The following IL1RAPL2 variants were observed in gnomAD, a reference collection of about 807,000 sequenced individuals.
The protein encoded by IL1RAPL2 is interleukin 1 receptor accessory protein like 2, also known as X-linked interleukin-1 receptor accessory protein-like 2.
IL1RAPL2 carries 3 observed loss-of-function variants against 44.1 expected under a neutral mutation model. That is an observed-to-expected ratio of 0.07 (90% CI 0.03 to 0.18). The LOEUF (loss-of-function observed/expected upper bound fraction) is 0.18, where lower values mean the gene tolerates loss of function less well. Among genes scored for constraint, IL1RAPL2 ranks in the 10% least tolerant of loss-of-function variants. IL1RAPL2 has a pLI of 1.00. For missense variants in IL1RAPL2, 391 were observed against 496.4 expected (o/e 0.79, Z 2.02); for synonymous variants, 181 against 178.8 (o/e 1.01, Z -0.10).
At chrX:105,618,846 A>G (rs917199167) in intron 6 of IL1RAPL2, among the ~76,000 whole-genome samples, 1 of 111,655 alleles carries the variant, frequency 9.0e-6, no homozygotes, top group African/African-American at 3.3e-5. Context: ...TTATGAGCAC[A>G]GAGTTGCGCG....
intron 6 of IL1RAPL2, among the ~76,000 whole-genome samples, chrX:105,674,918 A>T (rs2037856563): frequency 9.1e-6 from 1 of 109,546 alleles, no homozygotes; most frequent in African/African-American, 3.4e-5. Flanking sequence ...TTCTCTTTGT[A>T]GCAATTGCGA....
At chrX:104,662,557 C>G (rs2047425764) in intron 2 of IL1RAPL2, among the ~76,000 whole-genome samples, 1 of 111,232 alleles carries the variant, frequency 9.0e-6, no homozygotes, top group Non-Finnish European at 1.9e-5. Flanking sequence ...TGATCAATAG[C>G]AGAAATGGCC....
chrX:105,361,663 T>C (rs1193277198), intron 5 of IL1RAPL2, among the ~76,000 whole-genome samples: 3 of 110,928 alleles, frequency 2.7e-5, no homozygotes, highest in Non-Finnish European at 5.7e-5. Context: ...AGACTTGTAT[T>C]GTGTTAAGCC....
At chrX:105,424,777 A>T (rs2035797859) in intron 5 of IL1RAPL2, among the ~76,000 whole-genome samples, 1 of 110,227 alleles carries the variant, frequency 9.1e-6, no homozygotes, top group Non-Finnish European at 1.9e-5. Context: ...AAAATAAAAA[A>T]TAAAAATTAA....
At chrX:105,112,373 C>G (rs749936577) in intron 2 of IL1RAPL2, among the ~76,000 whole-genome samples, 4 of 112,096 alleles carry the variant, frequency 3.6e-5, no homozygotes, top group Non-Finnish European at 5.6e-5. Context: ...TCAAAAAAAT[C>G]ACACACACAA....
At chrX:104,984,263 CA>C (rs995569509) in intron 2 of IL1RAPL2, among the ~76,000 whole-genome samples, 1 of 111,350 alleles carries the variant, frequency 9.0e-6, no homozygotes. Flanking sequence ...GTGGGATTTT[CA>C]AAACATTTAA....
chrX:105,306,945 G>T (rs933491268), intron 5 of IL1RAPL2, among the ~76,000 whole-genome samples: 1 of 111,314 alleles, frequency 9.0e-6, no homozygotes, highest in Admixed American at 9.6e-5. Flanking sequence ...CGCATGGCTG[G>T]GAACGCCTCA....
intron 3 of IL1RAPL2, among the ~76,000 whole-genome samples, chrX:105,224,393 A>C (rs1556186365): frequency 8.9e-6 from 1 of 111,740 alleles, no homozygotes; most frequent in Non-Finnish European, 1.9e-5. Context: ...TAGAATGGTG[A>C]GGCAGGTGCC....
Position 104,613,881 on chromosome X carries a change from T to G in IL1RAPL2, c.-19-45014T>G, listed in dbSNP as rs138678173. On this transcript the variant is annotated intron_variant, in intron 1 of 10. Coordinates refer to ENST00000372582, the MANE Select transcript of IL1RAPL2 (RefSeq NM_017416.2). ...ACTCAATTTCAGAACTCGCTATTGG[T>G]CTGTTCAGAGTTTCAATTTCTTCCT... Among the ~76,000 whole-genome samples the G allele has an allele frequency of 3.3e-3, 343 of 104,738 alleles. 3 individuals are homozygous for G. The highest frequency in any genetic ancestry group is 0.011 in the African/African-American group (321 of 28,192). 91.0% of individuals were successfully genotyped at this position (104,738 alleles called of 115,157 possible).
At chrX:105,307,530 T>A (rs867767029) in intron 5 of IL1RAPL2, among the ~76,000 whole-genome samples, 535 of 43,874 alleles carry the variant, frequency 0.012, 4 homozygotes, top group African/African-American at 0.039. Context: ...TATTTTATAT[T>A]ATATATATTA....
At chrX:104,571,159 A>G (rs1407588310) in intron 1 of IL1RAPL2, among the ~76,000 whole-genome samples, 1 of 111,099 alleles carries the variant, frequency 9.0e-6, no homozygotes, top group Non-Finnish European at 1.9e-5. Context: ...TAGATTCTTG[A>G]TCTGGCCTGC....
At chrX:105,113,622 G>A (rs1434631484) in intron 2 of IL1RAPL2, among the ~76,000 whole-genome samples, 1 of 111,724 alleles carries the variant, frequency 9.0e-6, no homozygotes, top group African/African-American at 3.3e-5. Context: ...CCACTGAATG[G>A]TACCTTGCTT....
chrX:104,833,408 A>G (rs1232117573), intron 2 of IL1RAPL2, among the ~76,000 whole-genome samples: 1 of 112,483 alleles, frequency 8.9e-6, no homozygotes, highest in Non-Finnish European at 1.9e-5. Flanking sequence ...ATCACAAAGA[A>G]ATCTTTTCAT....
chrX:104,946,246 G>T (rs1464474698), intron 2 of IL1RAPL2, among the ~76,000 whole-genome samples: 1 of 99,757 alleles, frequency 1.0e-5, no homozygotes, highest in Non-Finnish European at 2.0e-5. Flanking sequence ...GGTGGCGGGC[G>T]CCTGTAGTCC....
intron 2 of IL1RAPL2, among the ~76,000 whole-genome samples, chrX:105,043,688 T>C (rs2031795508): frequency 9.0e-6 from 1 of 111,364 alleles, no homozygotes; most frequent in Non-Finnish European, 1.9e-5. Flanking sequence ...TAGGCATTTT[T>C]CTAGTTCTCT....
intron 2 of IL1RAPL2, among the ~76,000 whole-genome samples, chrX:104,975,018 A>C (rs1277432363): frequency 1.8e-5 from 2 of 112,149 alleles, no homozygotes; most frequent in Non-Finnish European, 3.8e-5. Context: ...CAGGGGGATT[A>C]AAGCATTTGC....
Position 105,086,144 on chromosome X carries a change from A to G in IL1RAPL2, c.83-109331A>G, listed in dbSNP as rs943439508. ...GACATGAAATCAGTATGTCAAAGAG[A>G]TATCTGCACTTGCATGTTCATTGCA... is the stretch of plus-strand genomic sequence containing the variant. On this transcript the variant is annotated intron_variant, in intron 2 of 10. Coordinates refer to ENST00000372582, the MANE Select transcript of IL1RAPL2 (RefSeq NM_017416.2). 2.7e-5 allele frequency among the ~76,000 whole-genome samples: 3 copies of G among 111,516 alleles called. 1 individual carries two copies. The South Asian group carries it at 1.1e-3, about 42-fold the overall frequency.
intron 6 of IL1RAPL2, among the ~76,000 whole-genome samples, chrX:105,607,052 A>G (rs1255025052): frequency 6.3e-5 from 7 of 111,623 alleles, no homozygotes; most frequent in Non-Finnish European, 9.5e-5. Context: ...GAATGTTTCT[A>G]GCACAAAAAA....
rs976757108 is a variant in IL1RAPL2 at position 104,759,772 on chromosome X, C to T, written c.82+100777C>T. Among the ~76,000 whole-genome samples, 3 of 111,580 alleles carry T rather than the reference C, an allele frequency of 2.7e-5. No homozygotes were observed. In the Admixed American group the frequency reaches 2.9e-4, roughly 11 times the overall value. ...ACTCAACTCATGGAAAATGGGGTAT[C>T]CATCCTGCCAAGCATTTTTCCATTG... is the stretch of plus-strand genomic sequence containing the variant. On this transcript the variant is annotated intron_variant, in intron 2 of 10. Coordinates refer to ENST00000372582, the MANE Select transcript of IL1RAPL2 (RefSeq NM_017416.2).
Sources: gnomAD v4.1 joint callset for allele counts (sites outside exome capture counted in the v4.1 genomes callset) on GRCh38, gnomAD v4.1.1 for gene constraint, MANE v1.5 for transcripts, NCBI Gene and HGNC (gene_info 2026-07-23, HGNC 2026-07-21) for gene names.